The following CNTNAP5 variants were observed in gnomAD, a reference collection of about 807,000 sequenced individuals.
CNTNAP5 encodes the protein contactin associated protein family member 5, also known as contactin-associated protein-like 5.
Under a neutral mutation model 150.2 loss-of-function variants are expected in CNTNAP5, and 72 were observed. The ratio of observed to expected loss-of-function variants is 0.48; its 90% CI spans 0.40 to 0.58. The LOEUF (loss-of-function observed/expected upper bound fraction) is 0.58, where lower values mean the gene tolerates loss of function less well. Ranked by LOEUF, CNTNAP5 falls within the 20% of genes least tolerant of loss-of-function variation. CNTNAP5 has a pLI of 0.00. For synonymous variants in CNTNAP5, 672 were observed against 619.8 expected, an observed-to-expected ratio of 1.08 and a Z score of -1.25; for missense variants, 1,636 against 1,626.2, an observed-to-expected ratio of 1.01 and a Z score of -0.10.
intron 13 of CNTNAP5, among the ~76,000 whole-genome samples, chr2:124,740,764 T>C (rs1680481030): frequency 6.6e-6 from 1 of 152,202 alleles, no homozygotes; most frequent in Non-Finnish European, 1.5e-5. Context: ...ATTCTCACAC[T>C]CACTCATCTG....
intron 1 of CNTNAP5, among the ~76,000 whole-genome samples, chr2:124,216,991 T>C (rs1686174834): frequency 6.6e-6 from 1 of 152,182 alleles, no homozygotes; most frequent in African/African-American, 2.4e-5. Context: ...GTTAAACTAG[T>C]TTACGGTCCC....
At chr2:124,203,093 T>A (rs1685768996) in intron 1 of CNTNAP5, among the ~76,000 whole-genome samples, 1 of 152,100 alleles carries the variant, frequency 6.6e-6, no homozygotes. Flanking sequence ...AGTTACTTCC[T>A]AGATACAAGG....
chr2:124,066,403 A>C (rs1399950800), intron 1 of CNTNAP5, among the ~76,000 whole-genome samples: 3 of 152,158 alleles, frequency 2.0e-5, no homozygotes, highest in African/African-American at 7.2e-5. Flanking sequence ...TCTAGTGATG[A>C]GTTTTTTCCC....
intron 20 of CNTNAP5, among the ~76,000 whole-genome samples, chr2:124,869,427 C>T (rs1041703007): frequency 1.4e-4 from 21 of 152,232 alleles, no homozygotes; most frequent in Admixed American, 9.8e-4. Flanking sequence ...ACCTATAAAA[C>T]GCTGTATACA....
chr2:124,371,773 G>A (rs1390053187), intron 3 of CNTNAP5, among the ~76,000 whole-genome samples: 1 of 152,084 alleles, frequency 6.6e-6, no homozygotes, highest in Non-Finnish European at 1.5e-5. Context: ...AATGGGTAGG[G>A]AAGGAAGAGA....
chr2:124,107,368 T>C (rs1487176463), intron 1 of CNTNAP5, among the ~76,000 whole-genome samples: 1 of 152,150 alleles, frequency 6.6e-6, no homozygotes, highest in South Asian at 2.1e-4. Flanking sequence ...CAGAACCATA[T>C]AGGAAAGGGA....
intron 11 of CNTNAP5, among the ~76,000 whole-genome samples, chr2:124,583,075 G>A (rs1210689073): frequency 6.6e-6 from 1 of 152,108 alleles, no homozygotes; most frequent in East Asian, 1.9e-4. Flanking sequence ...GGATATCCAT[G>A]TGAAGTTCCA....
intron 1 of CNTNAP5, among the ~76,000 whole-genome samples, chr2:124,051,610 T>C (rs1356122216): frequency 2.0e-5 from 3 of 152,206 alleles, no homozygotes; most frequent in Non-Finnish European, 4.4e-5. Context: ...GCAGGAAGTA[T>C]TAAGAAGAGC....
At chr2:124,272,113 A>G (rs1687774109) in intron 3 of CNTNAP5, among the ~76,000 whole-genome samples, 1 of 152,128 alleles carries the variant, frequency 6.6e-6, no homozygotes, top group African/African-American at 2.4e-5. Flanking sequence ...TTAAGCTTTA[A>G]TTGTGTATGC....
chr2:124,403,550 A>G (rs967181310), intron 3 of CNTNAP5, among the ~76,000 whole-genome samples: 13 of 152,330 alleles, frequency 8.5e-5, no homozygotes, highest in African/African-American at 3.1e-4. Flanking sequence ...CTGATTTTGA[A>G]AAAAGTACAC....
rs548218148 is a variant in CNTNAP5, at chr2:124,749,961, C to T, written c.2234+2576C>T. Among the ~76,000 whole-genome samples, 11 of 152,220 alleles carry T rather than the reference C, an allele frequency of 7.2e-5. No individual in the cohort carries two copies. The East Asian group carries it at 7.7e-4, about 11-fold the overall frequency. ...AACTTTCCACTGATCTCTTCCATTC[C>T]GCTCCCAGCCTCTCCCTCCTTTGAC... On this transcript the variant is annotated intron_variant, in intron 14 of 23. Coordinates refer to ENST00000682447, the MANE Select transcript of CNTNAP5 (RefSeq NM_001367498.1).
chr2:124,194,412 AAT>A (rs1326280575), intron 1 of CNTNAP5, among the ~76,000 whole-genome samples: 2 of 7,074 alleles, frequency 2.8e-4, no homozygotes, highest in African/African-American at 6.0e-4. Context: ...TATATATATA[AAT>A]ATAAATAGGT....
At chr2:124,205,972 C>T (rs1189956489) in intron 1 of CNTNAP5, among the ~76,000 whole-genome samples, 2 of 152,260 alleles carry the variant, frequency 1.3e-5, no homozygotes, top group East Asian at 1.9e-4. Context: ...AGTCCCTACT[C>T]GGTGATTTAA....
At chr2:124,518,788 A>T (rs1377099622) in intron 8 of CNTNAP5, among the ~76,000 whole-genome samples, 1 of 151,916 alleles carries the variant, frequency 6.6e-6, no homozygotes, top group Non-Finnish European at 1.5e-5. Flanking sequence ...GGAGTTCAAG[A>T]CCAGCCTGGC....
At chr2:124,517,622 G>A (rs574982012) in intron 8 of CNTNAP5, among the ~76,000 whole-genome samples, 4 of 147,248 alleles carry the variant, frequency 2.7e-5, no homozygotes, top group Non-Finnish European at 4.5e-5. Flanking sequence ...TGTAGTGTTG[G>A]TGAAGAGGGG....
chr2:124,431,295 GGTGA>G (rs1692372377), intron 4 of CNTNAP5, among the ~76,000 whole-genome samples: 1 of 151,978 alleles, frequency 6.6e-6, no homozygotes, highest in African/African-American at 2.4e-5. Context: ...TGGAGAGGGA[GGTGA>G]GTGAGTGAGT....
chr2:124,775,507 A>G (rs1344112170), intron 17 of CNTNAP5, among the ~76,000 whole-genome samples: 1 of 152,198 alleles, frequency 6.6e-6, no homozygotes, highest in Non-Finnish European at 1.5e-5. Flanking sequence ...AGCATCCTTC[A>G]GCATTGTAAT....
intron 21 of CNTNAP5, among the ~76,000 whole-genome samples, chr2:124,871,108 C>G (rs768323316): frequency 6.6e-6 from 1 of 151,956 alleles, no homozygotes; most frequent in African/African-American, 2.4e-5. Flanking sequence ...TCAGATACTG[C>G]TTATTTTTGA....
intron 12 of CNTNAP5, among the ~76,000 whole-genome samples, chr2:124,646,285 TTC>T (rs1488086768): frequency 6.6e-6 from 1 of 152,194 alleles, no homozygotes; most frequent in East Asian, 1.9e-4. Flanking sequence ...GCCTATTCTT[TTC>T]TCTTTTCAGC....
Sources: allele counts gnomAD v4.1 joint callset (sites outside exome capture counted in the v4.1 genomes callset), GRCh38; gene constraint gnomAD v4.1.1; transcripts MANE v1.5; gene names NCBI Gene and HGNC (gene_info 2026-07-23, HGNC 2026-07-21).